The following GSDME variants were observed in gnomAD, a reference collection of about 807,000 sequenced individuals.
GSDME encodes gasdermin E.
GSDME carries 44 observed loss-of-function variants against 47.5 expected under a neutral mutation model. That is an observed-to-expected ratio of 0.93 (90% CI 0.73 to 1.19). GSDME has a LOEUF of 1.19. GSDME is among the 50% of genes most tolerant of loss of function. The pLI, the probability that GSDME is intolerant of heterozygous loss-of-function variation, is 0.00. For missense variants in GSDME, 663 were observed against 604.2 expected (o/e 1.10, Z -1.02); for synonymous variants, 258 against 252.8 (o/e 1.02, Z -0.20).
intron 6 of GSDME, 115 bp from the exon 7 acceptor site, chr7:24,708,369 AG>A (rs1789208755): frequency 8.0e-7 from 1 of 1,257,528 alleles, no homozygotes; most frequent in African/African-American, 1.5e-5. Context: ...GGATATTCCC[AG>A]CTGCATAGTC....
At chr7:24,789,569 T>C in the GSDME span, among the ~76,000 whole-genome samples, 5 of 152,212 alleles carry the variant, frequency 3.3e-5, no homozygotes, top group Admixed American at 2.0e-4. Flanking sequence ...ATACAATGTC[T>C]GGAATCTATA....
Position 24,744,286 on chromosome 7 carries a change from G to T in GSDME, c.404+276C>A, listed in dbSNP as rs187325217. On this transcript the variant is annotated intron_variant, in intron 3 of 9. Transcript: ENST00000645220. The surrounding 1 kb of genome is among the most constrained non-coding windows in gnomAD (Gnocchi z 4.5). ...GCAGGACAGAGCATTTTTACCGTTC[G>T]CATTTTATAAATCATGTGATTGAAG... is the stretch of plus-strand genomic sequence containing the variant. 6 of 466,818 alleles carry T rather than the reference G, an allele frequency of 1.3e-5. No individual in the cohort carries two copies. The highest frequency in any genetic ancestry group is 1.2e-4 in the African/African-American group (6 of 50,748). The allele number at this position is 466,818 out of a possible 1,614,324, so 28.9% of individuals were successfully genotyped here.
the GSDME span, among the ~76,000 whole-genome samples, chr7:24,792,717 T>C: frequency 6.6e-6 from 1 of 152,146 alleles, no homozygotes; most frequent in African/African-American, 2.4e-5. Flanking sequence ...TCGGGTGTGA[T>C]GAGTCCATCC....
intron 9 of GSDME, among the ~76,000 whole-genome samples, chr7:24,701,493 TGGG>T (rs1463615245): frequency 3.3e-5 from 5 of 152,202 alleles, no homozygotes; most frequent in Non-Finnish European, 7.3e-5. Context: ...TTAGATAACA[TGGG>T]CTTGGCAGGA....
chr7:24,717,922 ACT>A (rs1270462983), intron 4 of GSDME, among the ~76,000 whole-genome samples: 2 of 152,074 alleles, frequency 1.3e-5, no homozygotes, highest in African/African-American at 4.8e-5. Flanking sequence ...GCCTTTAAAC[ACT>A]CTCACAAACA....
At chr7:24,779,108 C>T in the GSDME span, among the ~76,000 whole-genome samples, 1 of 152,196 alleles carries the variant, frequency 6.6e-6, no homozygotes, top group South Asian at 2.1e-4. The surrounding 1 kb of genome is among the most constrained non-coding windows in gnomAD (Gnocchi z 6.0). Context: ...CCTGATGCAA[C>T]AGCCTTAACA....
chr7:24,778,121 G>A, the GSDME span, among the ~76,000 whole-genome samples: 1 of 151,668 alleles, frequency 6.6e-6, no homozygotes, highest in African/African-American at 2.4e-5. The surrounding 1 kb of genome is among the most constrained non-coding windows in gnomAD (Gnocchi z 5.6). Flanking sequence ...GTATGTGCAT[G>A]TGTGTCTGTA....
rs890770871 is a variant in GSDME at position 24,754,126 on chromosome 7, T to C, written c.-20+3270A>G. On this transcript the variant is annotated intron_variant, in intron 1 of 9. Coordinates refer to ENST00000645220, the MANE Select transcript of GSDME (RefSeq NM_001127453.2). This position sits in a 1 kb window ranked among gnomAD's most constrained non-coding sequence, Gnocchi z 5.0. ...GGAGGCATCATGCTCAAATAGCTCA[T>C]GGCCTAAAAACTCACTGCACTTCAC... Among the ~76,000 whole-genome samples, 42 of 152,198 alleles carry C rather than the reference T, an allele frequency of 2.8e-4. No homozygotes were observed. The highest frequency in any genetic ancestry group is 9.6e-4 in the African/African-American group (40 of 41,452).
the GSDME span, among the ~76,000 whole-genome samples, chr7:24,791,807 C>T: frequency 6.6e-6 from 1 of 152,212 alleles, no homozygotes; most frequent in Non-Finnish European, 1.5e-5. This position sits in a 1 kb window ranked among gnomAD's most constrained non-coding sequence, Gnocchi z 4.8. Context: ...TATTGATAAA[C>T]TCTTGAAAAT....
At chr7:24,779,809 C>T in the GSDME span, among the ~76,000 whole-genome samples, 2 of 152,218 alleles carry the variant, frequency 1.3e-5, no homozygotes, top group Non-Finnish European at 1.5e-5. This position sits in a 1 kb window ranked among gnomAD's most constrained non-coding sequence, Gnocchi z 6.0. Context: ...AAACAGTCCA[C>T]ACCAACAGCA....
In GSDME at chr7:24,745,142, T is replaced by C. The variant is rs1790627627; in HGVS notation, c.212-388A>G. 6.6e-6 allele frequency among the ~76,000 whole-genome samples: 1 copy of C among 152,150 alleles called. No homozygotes were observed. On this transcript the variant is annotated intron_variant, in intron 2 of 9. Transcript: ENST00000645220. This position sits in a 1 kb window ranked among gnomAD's most constrained non-coding sequence, Gnocchi z 4.4. ...TAGAAAGGTGCACAGAAAGGACTAATGAATAAAGTTAGCGCCTGTTTAACC... is the reference window on the plus strand; with the variant it reads ...TAGAAAGGTGCACAGAAAGGACTAACGAATAAAGTTAGCGCCTGTTTAACC...
chr7:24,710,718 A>T (rs1425341641), intron 5 of GSDME: 1 of 281,164 alleles, frequency 3.6e-6, no homozygotes, highest in African/African-American at 2.2e-5. Flanking sequence ...AGACAAATGA[A>T]ACCTGACATG....
In GSDME at chr7:24,733,928, A is replaced by C. The variant is rs895819916; in HGVS notation, c.404+10634T>G. On this transcript the variant is annotated intron_variant, in intron 3 of 9. Transcript: ENST00000645220. This position sits in a 1 kb window ranked among gnomAD's most constrained non-coding sequence, Gnocchi z 4.3. The stretch of plus-strand genomic sequence containing the variant: ...CTGATTATACAGCCCTAGGGCCTTG[A>C]GCAAACATAGGCAGTAGCCAGGTAG... 7.9e-5 allele frequency among the ~76,000 whole-genome samples: 12 copies of C among 152,190 alleles called. No individual in the cohort carries two copies. Among genetic ancestry groups the C allele is most frequent in the African/African-American group, 2.9e-4 (12 of 41,442 alleles).
chr7:24,740,331 C>T (rs75575419), intron 3 of GSDME, among the ~76,000 whole-genome samples: 14,977 of 150,016 alleles, frequency 0.1, 811 homozygotes, highest in Admixed American at 0.13. Context: ...TTAATGGGTC[C>T]AATAAAAATA....
intron 3 of GSDME, among the ~76,000 whole-genome samples, chr7:24,722,689 C>CCT (rs1789834260): frequency 3.3e-5 from 5 of 152,220 alleles, no homozygotes; most frequent in Non-Finnish European, 7.3e-5. Flanking sequence ...TGCTCCTAGC[C>CCT]AGTGTGAAAT....
chr7:24,703,365 C>G (rs1046485713), intron 8 of GSDME: 8 of 185,242 alleles, frequency 4.3e-5, no homozygotes, highest in Non-Finnish European at 6.9e-5. Flanking sequence ...TGGCCTGAGG[C>G]CAGGAGCAGC....
chr7:24,788,850 G>A, the GSDME span, among the ~76,000 whole-genome samples: 1 of 152,154 alleles, frequency 6.6e-6, no homozygotes, highest in African/African-American at 2.4e-5. This position sits in a 1 kb window ranked among gnomAD's most constrained non-coding sequence, Gnocchi z 4.6. Context: ...CTCCTTTAAT[G>A]GCAGATTTGA....
At chr7:24,720,193 A>C (rs1265432587) in intron 3 of GSDME, among the ~76,000 whole-genome samples, 2 of 152,236 alleles carry the variant, frequency 1.3e-5, no homozygotes, top group Non-Finnish European at 2.9e-5. Flanking sequence ...GCAAACTTTC[A>C]AGAACAGACT....
chr7:24,714,422 CGGAT>C lies in GSDME; in HGVS notation c.697+2828_697+2831del, dbSNP rs935195358. On this transcript the variant is annotated intron_variant, in intron 5 of 9. Coordinates refer to ENST00000645220, the MANE Select transcript of GSDME (RefSeq NM_001127453.2). This position sits in a 1 kb window ranked among gnomAD's most constrained non-coding sequence, Gnocchi z 5.0. ...ATTCTGTAGCAAGAGCAACAGAAAA[CGGAT>C]GGGCAAAAAAAAGAAAAGAAATAGC... Among the ~76,000 whole-genome samples the C allele has an allele frequency of 3.3e-5, 5 of 151,822 alleles. No individual in the cohort carries two copies. The highest frequency in any genetic ancestry group is 1.2e-4 in the African/African-American group (5 of 41,300).
Sources: allele counts gnomAD v4.1 joint callset (sites outside exome capture counted in the v4.1 genomes callset), GRCh38; gene constraint gnomAD v4.1.1; non-coding constraint Gnocchi (gnomAD v3.1); transcripts MANE v1.5; gene names NCBI Gene and HGNC (gene_info 2026-07-23, HGNC 2026-07-21).